The following TPST1 variants were observed in gnomAD, a reference collection of about 807,000 sequenced individuals.
TPST1 encodes the protein protein-tyrosine sulfotransferase 1.
A neutral mutation model predicts 34.8 loss-of-function variants in TPST1; 20 were observed. That is an observed-to-expected ratio of 0.57 (90% confidence interval 0.40 to 0.84). The LOEUF (loss-of-function observed/expected upper bound fraction) is 0.84. Among genes scored for constraint, TPST1 ranks in the 40% least tolerant of loss-of-function variants. The probability of loss-of-function intolerance (pLI) is 0.00; values close to 1 mark genes in which losing one functional copy is unlikely to be tolerated. For synonymous variants in TPST1, 152 were observed against 159.4 expected (o/e 0.95, Z 0.35); for missense variants, 353 against 455.5 (o/e 0.78, Z 2.05).
chr7:66,342,172 T>C (rs912774310), intron 3 of TPST1, among the ~76,000 whole-genome samples: 1 of 152,192 alleles, frequency 6.6e-6, no homozygotes, highest in African/African-American at 2.4e-5. Context: ...CACAGTACCA[T>C]GAAACTGTAG....
At position 66,293,142 on chromosome 7, in the gene TPST1, C is replaced by T. The variant is rs143384663; in HGVS notation, c.1044+6433C>T. Among the ~76,000 whole-genome samples the T allele has an allele frequency of 2.8e-4, 42 of 151,070 alleles. 3 individuals are homozygous for T. The East Asian group carries it at 8.0e-3, about 29-fold the overall frequency. On this transcript the variant is annotated intron_variant, in intron 3 of 5. Transcript: ENST00000304842. ...AATGGCATGAACCCGGGAGGCAGAG[C>T]TTGCAGTGAGTAGAGATCACGCCAC...
intron 4 of TPST1, among the ~76,000 whole-genome samples, chr7:66,355,981 G>A (rs1180091947): frequency 6.7e-6 from 1 of 148,948 alleles, no homozygotes; most frequent in Non-Finnish European, 1.5e-5. Context: ...GTTAAGCCCA[G>A]ACAGCTGTGA....
chr7:66,218,369 G>C (rs1369798833), intron 1 of TPST1, among the ~76,000 whole-genome samples: 1 of 152,176 alleles, frequency 6.6e-6, no homozygotes, highest in African/African-American at 2.4e-5. Context: ...TTTGAAGGCA[G>C]ATGATAAATC....
intron 2 of TPST1, among the ~76,000 whole-genome samples, chr7:66,280,790 T>G (rs1790917337): frequency 6.6e-6 from 1 of 152,206 alleles, no homozygotes; most frequent in Non-Finnish European, 1.5e-5. Context: ...GTTTAGCTAT[T>G]GTTCATTACT....
At chr7:66,286,474 T>A (rs1791035973) in intron 2 of TPST1, 37 bp from the exon 3 acceptor site, 2 of 1,403,818 alleles carry the variant, frequency 1.4e-6, no homozygotes, top group South Asian at 1.8e-5. Context: ...TCTAAAAAAT[T>A]TTAAATAAAT....
chr7:66,292,781 C>T (rs1240533933), intron 3 of TPST1, among the ~76,000 whole-genome samples: 3 of 148,466 alleles, frequency 2.0e-5, no homozygotes, highest in East Asian at 2.0e-4. Context: ...GAGATGAACC[C>T]GGTACCTCAG....
intron 1 of TPST1, among the ~76,000 whole-genome samples, chr7:66,231,913 A>G (rs184898253): frequency 1.5e-3 from 227 of 152,382 alleles, no homozygotes; most frequent in African/African-American, 5.2e-3. Context: ...ACTATCACTT[A>G]ACATCTTTAA....
At chr7:66,334,877 C>G (rs769986874) in intron 3 of TPST1, among the ~76,000 whole-genome samples, 4 of 152,140 alleles carry the variant, frequency 2.6e-5, no homozygotes, top group African/African-American at 7.2e-5. Flanking sequence ...CCTCACTGGT[C>G]TGGGAATCTT....
intron 3 of TPST1, among the ~76,000 whole-genome samples, chr7:66,334,655 T>G (rs1792059625): frequency 8.9e-6 from 1 of 112,946 alleles, no homozygotes; most frequent in Non-Finnish European, 1.9e-5. Flanking sequence ...AAAAAAAGTA[T>G]TCAAAGACAA....
At chr7:66,283,515 T>A (rs1790975138) in intron 2 of TPST1, among the ~76,000 whole-genome samples, 1 of 152,204 alleles carries the variant, frequency 6.6e-6, no homozygotes, top group Non-Finnish European at 1.5e-5. Flanking sequence ...ATAGACAATC[T>A]ATACATGAAT....
intron 2 of TPST1, among the ~76,000 whole-genome samples, chr7:66,249,122 T>TC (rs1388789551): frequency 6.6e-6 from 1 of 152,168 alleles, no homozygotes; most frequent in Non-Finnish European, 1.5e-5. Context: ...CATTGGTGAT[T>TC]AGGTTTTAAC....
chr7:66,218,854 A>G (rs1789480466), intron 1 of TPST1, among the ~76,000 whole-genome samples: 1 of 151,712 alleles, frequency 6.6e-6, no homozygotes, highest in Non-Finnish European at 1.5e-5. Context: ...CTCAAAAAAA[A>G]AAAAAATTGT....
intron 3 of TPST1, among the ~76,000 whole-genome samples, chr7:66,349,573 A>AAAC (rs374373195): frequency 1.5e-3 from 234 of 152,060 alleles, no homozygotes; most frequent in East Asian, 2.3e-3. Flanking sequence ...CTCCGTCTCA[A>AAAC]AACAACAACA....
intron 5 of TPST1, among the ~76,000 whole-genome samples, chr7:66,357,903 G>T (rs902488439): frequency 2.6e-5 from 4 of 152,166 alleles, no homozygotes; most frequent in African/African-American, 9.7e-5. Context: ...GGCCAACATA[G>T]TGAAACCTCG....
At chr7:66,209,693 C>G (rs1257136776) in intron 1 of TPST1, among the ~76,000 whole-genome samples, 2 of 152,192 alleles carry the variant, frequency 1.3e-5, no homozygotes. Flanking sequence ...CTCTTCATCT[C>G]TACTGTCATT....
intron 3 of TPST1, among the ~76,000 whole-genome samples, chr7:66,309,373 A>T (rs1199623975): frequency 6.6e-6 from 1 of 152,190 alleles, no homozygotes; most frequent in African/African-American, 2.4e-5. Context: ...GTACTCATAT[A>T]TTGATAAATT....
At chr7:66,239,323 T>C (rs996195117) in intron 1 of TPST1, among the ~76,000 whole-genome samples, 1 of 152,194 alleles carries the variant, frequency 6.6e-6, no homozygotes, top group African/African-American at 2.4e-5. Flanking sequence ...CTTCCTCAGG[T>C]CAATTACATG....
chr7:66,300,751 G>A (rs977078144), intron 3 of TPST1, among the ~76,000 whole-genome samples: 100 of 152,250 alleles, frequency 6.6e-4, no homozygotes, highest in African/African-American at 2.3e-3. Context: ...TTCAAGACCA[G>A]CCTGGCCAAC....
chr7:66,221,491 G>C (rs969826742), intron 1 of TPST1: 1 of 152,226 alleles, frequency 6.6e-6, no homozygotes, highest in African/African-American at 2.4e-5. Context: ...GTTCCATTTA[G>C]TGTTCGTTGA....
Sources: allele counts gnomAD v4.1 joint callset (sites outside exome capture counted in the v4.1 genomes callset), GRCh38; gene constraint gnomAD v4.1.1; transcripts MANE v1.5; gene names NCBI Gene and HGNC (gene_info 2026-07-23, HGNC 2026-07-21).